Variants in PNMA6E observed in about 807,000 individuals in gnomAD.
PNMA6E encodes PNMA family member 6E.
For synonymous variants in PNMA6E, 43 were observed against 17.1 expected, an observed-to-expected ratio of 2.52 and a Z score of -3.74; for missense variants, 78 against 50.8, an observed-to-expected ratio of 1.53 and a Z score of -1.63.
chrX:153,402,307 C>A (rs1314025777), upstream of PNMA6E, among the ~76,000 whole-genome samples: 1 of 111,782 alleles, frequency 8.9e-6, no homozygotes, highest in Non-Finnish European at 1.9e-5. Context: ...ATCCTTGTAT[C>A]ATTATTACCT....
In PNMA6E at chrX:153,398,850, C is replaced by T. The variant is rs1369394302; in HGVS notation, c.-1G>A. On this transcript the variant is annotated 5_prime_UTR_variant, in exon 2 of 2. Transcript: ENST00000445091. ...AGTCCCGAAGCATCGCCAGAGCCAT[C>T]GCAGAGGACTTGAGGGAGGGAGCCT... is the stretch of plus-strand genomic sequence containing the variant. 1.2e-4 allele frequency: 35 copies of T among 298,209 alleles called. No individual in the cohort carries two copies. The highest frequency in any genetic ancestry group is 8.6e-4 in the Middle Eastern group (1 of 1,159). 24.6% of individuals were successfully genotyped at this position (298,209 alleles called of 1,213,427 possible).
At chrX:153,401,127 C>G (rs1290188810) in intron 1 of PNMA6E, 117 bp downstream of exon 1, 2 of 92,333 alleles carry the variant, frequency 2.2e-5, no homozygotes, top group African/African-American at 8.2e-5. Flanking sequence ...CGGCTCCTCA[C>G]GGCCTGCCAC....
chrX:153,399,487 C>A (rs1288428231), intron 1 of PNMA6E, among the ~76,000 whole-genome samples: 1 of 110,915 alleles, frequency 9.0e-6, no homozygotes, highest in African/African-American at 3.3e-5. Context: ...CTGGGACTAC[C>A]GGCACATGCT....
the PNMA6E span, among the ~76,000 whole-genome samples, chrX:153,412,770 T>A: frequency 9.0e-6 from 1 of 110,897 alleles, no homozygotes; most frequent in African/African-American, 3.3e-5. Flanking sequence ...CAGGAAGGGT[T>A]GTGTGAGTTT....
At position 153,397,101 on chromosome X, in the gene PNMA6E, T is replaced by C. The variant is rs2088813226; in HGVS notation, c.1749A>G (p.Pro583=). 3.4e-6 allele frequency: 1 copy of C among 296,875 alleles called. No homozygotes were observed. The highest frequency in any genetic ancestry group is 5.9e-6 in the Non-Finnish European group (1 of 170,154). 24.5% of individuals were successfully genotyped at this position (296,875 alleles called of 1,213,427 possible). ...RPIEVPWGSS[P]ARMSSAVWVF... is the part of the protein sequence containing the mutation. ...CCCAGACAGCACTGCTCATCCGGGC[T>C]GGGGAGGAGCCCCAGGGGACCTCTA... is the stretch of plus-strand genomic sequence containing the variant. The change falls in exon 2 of 2, where the codon CCA becomes CCG. Residue 583 remains proline, a synonymous_variant. Transcript: ENST00000445091.
upstream of PNMA6E, among the ~76,000 whole-genome samples, chrX:153,404,474 G>T (rs782248906): frequency 9.0e-6 from 1 of 110,839 alleles, no homozygotes; most frequent in African/African-American, 3.3e-5. Flanking sequence ...CTCCGAAGAT[G>T]AGTCATTGTT....
upstream of PNMA6E, among the ~76,000 whole-genome samples, chrX:153,402,759 T>A (rs144206159): frequency 0.011 from 893 of 81,170 alleles, 9 homozygotes; most frequent in African/African-American, 0.041. Context: ...TCTCGAAACA[T>A]CCTTATTTCA....
the PNMA6E span, among the ~76,000 whole-genome samples, chrX:153,413,813 T>C: frequency 1.8e-5 from 2 of 112,470 alleles, no homozygotes; most frequent in Admixed American, 1.9e-4. Context: ...TGTCTTTCTT[T>C]CCAGGAGTTG....
chrX:153,400,595 G>T (rs2088842864), intron 1 of PNMA6E, among the ~76,000 whole-genome samples: 1 of 81,598 alleles, frequency 1.2e-5, no homozygotes, highest in Non-Finnish European at 2.3e-5. Flanking sequence ...AGCCCCCATA[G>T]CCCACAGAGG....
upstream of PNMA6E, among the ~76,000 whole-genome samples, chrX:153,402,504 G>A (rs1298151656): frequency 9.0e-6 from 1 of 110,645 alleles, no homozygotes; most frequent in Non-Finnish European, 1.9e-5. Context: ...TGCTATAGTT[G>A]TCATATATAT....
chrX:153,402,963 C>G (rs1034330850), upstream of PNMA6E, among the ~76,000 whole-genome samples: 10 of 112,757 alleles, frequency 8.9e-5, no homozygotes, highest in African/African-American at 3.2e-4. Flanking sequence ...TCACAATTCA[C>G]TCATTACTCT....
chrX:153,404,633 G>T (rs782031611), upstream of PNMA6E, among the ~76,000 whole-genome samples: 3 of 112,139 alleles, frequency 2.7e-5, no homozygotes, highest in South Asian at 1.1e-3. Flanking sequence ...TTGGGCATCA[G>T]CTGAAACCTC....
chrX:153,398,022 A>G lies in PNMA6E; in HGVS notation c.828T>C (p.Ala276=). The G allele has an allele frequency of 2.5e-6, 1 of 406,600 alleles. No homozygotes were observed. Among genetic ancestry groups the G allele is most frequent in the East Asian group, 4.1e-5 (1 of 24,614 alleles). 33.5% of individuals were successfully genotyped at this position (406,600 alleles called of 1,213,427 possible). Residue 276 remains alanine, a synonymous_variant, in exon 2 of 2, where the codon GCT becomes GCC. Coordinates refer to ENST00000445091, the MANE Select transcript of PNMA6E (RefSeq NM_001367770.1). The stretch of plus-strand genomic sequence containing the variant: ...CACCTGCAGCTCCTGCCTCACCCAC[A>G]GCTCCTGCCTCACCTGCTGCTCCTG... ...GEAGAAGEAG[A]VGEAGAAGEA...
upstream of PNMA6E, among the ~76,000 whole-genome samples, chrX:153,406,227 C>T (rs782782705): frequency 4.5e-4 from 50 of 112,224 alleles, no homozygotes; most frequent in Non-Finnish European, 7.9e-4. Context: ...TCGACGGCAT[C>T]GGCGGAGAGC....
At chrX:153,411,931 G>A in the PNMA6E span, among the ~76,000 whole-genome samples, 9 of 112,736 alleles carry the variant, frequency 8.0e-5, no homozygotes, top group Non-Finnish European at 1.3e-4. Context: ...GCTGCGGCCC[G>A]TGTCTGTCAA....
chrX:153,400,116 G>C (rs1389320769), intron 1 of PNMA6E, among the ~76,000 whole-genome samples: 1 of 112,705 alleles, frequency 8.9e-6, no homozygotes, highest in African/African-American at 3.2e-5. Flanking sequence ...GTCTATCTAA[G>C]TGAATGTACA....
Position 153,398,529 on chromosome X carries a change from A to G in PNMA6E, c.321T>C (p.Ser107=). ...CTTGACCCTGGGGCTGTGCAGGAAA[A>G]CTGGGCATATCCTGAAACTCAATAA... The part of the protein sequence containing the change: ...VPVIEFQDMP[S]FPAQPQGQAV... Residue 107 remains serine (S), a synonymous_variant, in exon 2 of 2, where the codon AGT becomes AGC. Coordinates refer to ENST00000445091, the MANE Select transcript of PNMA6E (RefSeq NM_001367770.1). 2.7e-6 allele frequency: 1 copy of G among 368,905 alleles called. No homozygotes were observed. Among genetic ancestry groups the G allele is most frequent in the Non-Finnish European group, 4.7e-6 (1 of 212,881 alleles). 30.4% of individuals were successfully genotyped at this position (368,905 alleles called of 1,213,427 possible). A position where few individuals can be genotyped will look rare whatever the true frequency, so the allele number is the denominator to read the frequency against.
upstream of PNMA6E, chrX:153,401,553 G>T (rs1048763339): frequency 1.8e-5 from 2 of 111,936 alleles, no homozygotes; most frequent in African/African-American, 6.5e-5. Flanking sequence ...TCAAAAGGTG[G>T]AAAGGCTCGA....
the PNMA6E span, among the ~76,000 whole-genome samples, chrX:153,407,579 C>A: frequency 9.0e-6 from 1 of 110,971 alleles, no homozygotes; most frequent in Non-Finnish European, 1.9e-5. Flanking sequence ...ACCGTGTTGC[C>A]CAGGCTGATC....
Sources: gnomAD v4.1 joint callset for allele counts (sites outside exome capture counted in the v4.1 genomes callset) on GRCh38, gnomAD v4.1.1 for gene constraint, MANE v1.5 for transcripts, NCBI Gene and HGNC (gene_info 2026-07-23, HGNC 2026-07-21) for gene names.